FBXO38: variants seen among roughly 807,000 people sequenced by gnomAD.
FBXO38 encodes the protein F-box protein 38.
A neutral mutation model predicts 131.9 loss-of-function variants in FBXO38; 53 were observed. That is an observed-to-expected ratio of 0.40 (90% CI 0.32 to 0.51). FBXO38 has a LOEUF of 0.51. Among genes scored for constraint, FBXO38 ranks in the 20% least tolerant of loss-of-function variants. The pLI is 0.53. For missense variants in FBXO38, 1,076 were observed against 1,475.6 expected (o/e 0.73, Z 4.44); for synonymous variants, 452 against 505.6 (o/e 0.89, Z 1.42).
intron 10 of FBXO38, 140 bp from the exon 11 acceptor site, chr5:148,415,788 C>T (rs985248026): frequency 3.8e-5 from 29 of 772,310 alleles, no homozygotes; most frequent in Admixed American, 3.0e-4. Context: ...TTAGAATCAT[C>T]GGGTTTTAGA....
intron 12 of FBXO38, 101 bp downstream of exon 12, chr5:148,417,305 A>G (rs1169360040): frequency 3.5e-6 from 3 of 845,812 alleles, no homozygotes; most frequent in East Asian, 5.3e-5. Flanking sequence ...TCAACTTGTC[A>G]CTTTCCACAT....
At chr5:148,438,149 A>G (rs1754458702) in intron 17 of FBXO38, among the ~76,000 whole-genome samples, 183 bp from the exon 18 acceptor site, 1 of 152,146 alleles carries the variant, frequency 6.6e-6, no homozygotes, top group Non-Finnish European at 1.5e-5. Context: ...TGCCCCTTCT[A>G]CCTTCTTTTG....
chr5:148,440,355 T>C lies in FBXO38; in HGVS notation c.3171-69T>C. 4.3e-6 allele frequency: 4 copies of C among 936,824 alleles called. No individual in the cohort carries two copies. In the Admixed American group the frequency reaches 7.5e-5, roughly 18 times the overall value. The allele number at this position is 936,824 out of a possible 1,614,324, so 58.0% of individuals were successfully genotyped here. A position where few individuals can be genotyped will look rare whatever the true frequency, so the allele number is the denominator to read the frequency against. On this transcript the variant is annotated intron_variant, in intron 19 of 21. Coordinates refer to ENST00000340253, the MANE Select transcript of FBXO38 (RefSeq NM_205836.3). Reference sequence around the variant, plus strand: ...TCTGTGTCCGAAACAGTTTTGATGGTTCCTTCCTACCCGACACTAATTATT... The same window carrying C: ...TCTGTGTCCGAAACAGTTTTGATGGCTCCTTCCTACCCGACACTAATTATT...
At chr5:148,410,569 T>G in intron 8 of FBXO38, 66 bp from the exon 9 acceptor site, 2 of 1,570,816 alleles carry the variant, frequency 1.3e-6, no homozygotes, top group Admixed American at 1.8e-5. Flanking sequence ...ACACTTATAT[T>G]AGGAGGAATC....
At chr5:148,432,763 A>C in intron 15 of FBXO38, among the ~76,000 whole-genome samples, 1 of 152,216 alleles carries the variant, frequency 6.6e-6, no homozygotes, top group Non-Finnish European at 1.5e-5. Context: ...GAATTAAGAG[A>C]GTGTTGTTGC....
intron 11 of FBXO38, among the ~76,000 whole-genome samples, chr5:148,416,457 G>T (rs576874930): frequency 8.5e-5 from 13 of 152,236 alleles, no homozygotes; most frequent in African/African-American, 3.1e-4. Context: ...AAGAATTAAG[G>T]ATTTATTTGG....
rs1752189950 is a variant in FBXO38 at position 148,402,110 on chromosome 5, G to A, written c.391G>A (p.Val131Ile). 1.2e-6 allele frequency: 2 copies of A among 1,613,334 alleles called. No homozygotes were observed. The highest frequency in any genetic ancestry group is 1.7e-6 in the Non-Finnish European group (2 of 1,179,418). The change falls in exon 4 of 22, where the codon GTC becomes ATC. Residue 131 changes from valine to isoleucine, a missense_variant. Transcript: ENST00000340253. ...CCATGAGGCTTTTAGCATTCCAGGA[G>A]TCCTAGAAGCTTTGCAGGCATGCCC... ...RGHEAFSIPG[V>I]LEALQACPNL...
Position 148,416,895 on chromosome 5 carries a change from T to C in FBXO38, c.1408-99T>C. 7.0e-6 allele frequency: 5 copies of C among 713,020 alleles called. No individual in the cohort carries two copies. The East Asian group carries it at 1.1e-4, about 15-fold the overall frequency. The allele number at this position is 713,020 out of a possible 1,614,324, so 44.2% of individuals were successfully genotyped here. On this transcript the variant is annotated intron_variant, in intron 11 of 21. Transcript: ENST00000340253. Reference sequence around the variant, plus strand: ...ATTTCATAAATAAGTACTATATAAATATTAGTTATAATGTAAAGGTGAAAT... The same window carrying C: ...ATTTCATAAATAAGTACTATATAAACATTAGTTATAATGTAAAGGTGAAAT...
chr5:148,425,826 G>A, intron 14 of FBXO38, 125 bp downstream of exon 14: 1 of 789,966 alleles, frequency 1.3e-6, no homozygotes. Flanking sequence ...AGCAAGAAAT[G>A]CACTTGCCCA....
chr5:148,412,316 G>A (rs565591684), intron 9 of FBXO38, among the ~76,000 whole-genome samples: 4 of 152,052 alleles, frequency 2.6e-5, no homozygotes, highest in East Asian at 1.9e-4. Context: ...TGTTATGGAC[G>A]ATATCATGAG....
chr5:148,418,049 G>C (rs369872204), intron 12 of FBXO38, among the ~76,000 whole-genome samples: 1 of 152,162 alleles, frequency 6.6e-6, no homozygotes, highest in African/African-American at 2.4e-5. Flanking sequence ...AGAATCATCT[G>C]TAGGCAATGT....
In FBXO38 at chr5:148,407,933, A is replaced by AAG. The variant is rs745540970; in HGVS notation, c.869-1178_869-1177dup. ...GAGTGAGACTCTGTCTCAAAAAAAA[A>AAG]AGAGAGAGAGAGAGTGAAAAACCAA... On this transcript the variant is annotated intron_variant, in intron 7 of 21. Coordinates refer to ENST00000340253, the MANE Select transcript of FBXO38 (RefSeq NM_205836.3). Among the ~76,000 whole-genome samples the AAG allele has an allele frequency of 4.6e-5, 7 of 151,898 alleles. No homozygotes were observed. The East Asian group carries it at 5.8e-4, about 13-fold the overall frequency.
At chr5:148,436,803 T>G (rs982478817) in intron 17 of FBXO38, among the ~76,000 whole-genome samples, 5 of 152,234 alleles carry the variant, frequency 3.3e-5, no homozygotes, top group African/African-American at 1.2e-4. Flanking sequence ...GTAGTAGTAC[T>G]TTTCTCTATC....
At chr5:148,421,873 C>A (rs146224693) in intron 12 of FBXO38, among the ~76,000 whole-genome samples, 2 of 152,126 alleles carry the variant, frequency 1.3e-5, no homozygotes, top group Non-Finnish European at 2.9e-5. Context: ...CACCATCATC[C>A]GATTTAATTA....
At chr5:148,431,776 A>G (rs1581293244) in intron 15 of FBXO38, among the ~76,000 whole-genome samples, 1 of 152,312 alleles carries the variant, frequency 6.6e-6, no homozygotes, top group African/African-American at 2.4e-5. Flanking sequence ...GAGAAGGCCT[A>G]CGTTGTGTTG....
intron 1 of FBXO38, among the ~76,000 whole-genome samples, chr5:148,393,348 C>T (rs1477528891): frequency 6.6e-6 from 1 of 152,006 alleles, no homozygotes; most frequent in Non-Finnish European, 1.5e-5. Flanking sequence ...TGAAGATTTA[C>T]TTAGCCTAGT....
chr5:148,399,465 A>C (rs1295087914), intron 3 of FBXO38: 1 of 188,428 alleles, frequency 5.3e-6, no homozygotes, highest in Non-Finnish European at 1.1e-5. Flanking sequence ...TGTCTGATGC[A>C]TGTTTTCCGG....
chr5:148,402,500 T>A lies in FBXO38; in HGVS notation c.579T>A (p.Thr193=), dbSNP rs758530892. The A allele has an allele frequency of 6.2e-7, 1 of 1,608,460 alleles. No homozygotes were observed. Among genetic ancestry groups the A allele is most frequent in the Non-Finnish European group, 8.5e-7 (1 of 1,176,730 alleles). Residue 193 remains threonine, a synonymous_variant, in exon 5 of 22, where the codon ACT becomes ACA. Transcript: ENST00000340253. ...LKIPIGAKIQ[T]LHLVGVNVPE... is the part of the protein sequence containing the mutation. ...TTCCTATAGGAGCCAAAATTCAAAC[T>A]TTACATTTAGTTGGTGAGTACATGT...
chr5:148,429,578 A>G (rs145425447), intron 15 of FBXO38, among the ~76,000 whole-genome samples: 5 of 152,298 alleles, frequency 3.3e-5, no homozygotes, highest in African/African-American at 1.2e-4. Context: ...TAATATTTTT[A>G]TCAAGTTCCA....
Sources: gnomAD v4.1 joint callset for allele counts (sites outside exome capture counted in the v4.1 genomes callset) on GRCh38, gnomAD v4.1.1 for gene constraint, MANE v1.5 for transcripts, NCBI Gene and HGNC (gene_info 2026-07-23, HGNC 2026-07-21) for gene names.